DDX4: variants seen among roughly 807,000 people sequenced by gnomAD.
The protein encoded by DDX4 is probable ATP-dependent RNA helicase DDX4.
Under a neutral mutation model 100.0 loss-of-function variants are expected in DDX4, and 25 were observed. The observed-to-expected ratio is 0.25, with a 90% CI of 0.18 to 0.35. The LOEUF (loss-of-function observed/expected upper bound fraction) is 0.35, where lower values mean the gene tolerates loss of function less well. Ranked by LOEUF, DDX4 falls within the 10% of genes least tolerant of loss-of-function variation. DDX4 has a pLI of 1.00. For synonymous variants in DDX4, 259 were observed against 275.7 expected (o/e 0.94, Z 0.60); for missense variants, 635 against 882.4 (o/e 0.72, Z 3.55).
chr5:55,779,918 TTTG>T, intron 7 of DDX4, 43 bp from the exon 8 acceptor site: 2 of 1,583,248 alleles, frequency 1.3e-6, no homozygotes, highest in Non-Finnish European at 8.6e-7. Flanking sequence ...CCAAGATTTC[TTTG>T]TTGTTGTTTT....
chr5:55,791,041 T>G (rs1008776458), intron 16 of DDX4, among the ~76,000 whole-genome samples: 1 of 152,202 alleles, frequency 6.6e-6, no homozygotes, highest in Non-Finnish European at 1.5e-5. Context: ...AAAAATGTAG[T>G]TAATAACTTT....
intron 18 of DDX4, among the ~76,000 whole-genome samples, chr5:55,807,905 CAG>C (rs1254353707): frequency 6.6e-6 from 1 of 152,194 alleles, no homozygotes; most frequent in African/African-American, 2.4e-5. Flanking sequence ...TAATATCCTG[CAG>C]AGTGTTTTCC....
Position 55,738,928 on chromosome 5 carries a change from ATTTT to A in DDX4, c.-14-12_-14-9del. On this transcript the variant is annotated intron_variant, in intron 1 of 21. Coordinates refer to ENST00000505374, the MANE Select transcript of DDX4 (RefSeq NM_024415.3). ...CTGATCTAATTGAGTCCAAATGTGC[ATTTT>A]TTTTTTTTTATGAATAGAACTTGAA... The A allele has an allele frequency of 1.9e-6, 2 of 1,066,454 alleles. No individual in the cohort carries two copies. Among genetic ancestry groups the A allele is most frequent in the Non-Finnish European group, 2.8e-6 (2 of 726,238 alleles). The allele number at this position is 1,066,454 out of a possible 1,614,324, so 66.1% of individuals were successfully genotyped here.
Position 55,766,679 on chromosome 5 carries a change from AAT to A in DDX4, c.335-1201_335-1200del, listed in dbSNP as rs754627852. Among the ~76,000 whole-genome samples, 305 of 152,266 alleles carry A rather than the reference AAT, an allele frequency of 2.0e-3. 2 individuals are homozygous for A. The highest frequency in any genetic ancestry group is 1.5e-3 in the Non-Finnish European group (100 of 68,020). Reference sequence around the variant, plus strand: ...TATTGTAGAACATTATTAGTTGTTAAATGGATTGGGACTTTCACACAGGAACT... The same window carrying A: ...TATTGTAGAACATTATTAGTTGTTAAGGATTGGGACTTTCACACAGGAACT... On this transcript the variant is annotated intron_variant, in intron 6 of 21. Transcript: ENST00000505374.
At chr5:55,748,773 C>T (rs1340182341) in intron 3 of DDX4, among the ~76,000 whole-genome samples, 3 of 151,830 alleles carry the variant, frequency 2.0e-5, no homozygotes, top group Admixed American at 6.6e-5. Flanking sequence ...AAATCTTAGC[C>T]CCTAAATTTA....
At chr5:55,788,561 A>G (rs919674244) in intron 15 of DDX4, among the ~76,000 whole-genome samples, 3 of 152,236 alleles carry the variant, frequency 2.0e-5, no homozygotes, top group South Asian at 4.1e-4. Flanking sequence ...ATGTATATTT[A>G]AAAATGAACT....
chr5:55,754,824 G>A (rs1374299845), intron 3 of DDX4, among the ~76,000 whole-genome samples: 3 of 151,998 alleles, frequency 2.0e-5, no homozygotes, highest in Admixed American at 1.3e-4. Flanking sequence ...TGGTTGGTAA[G>A]CTATTGATTA....
chr5:55,758,021 G>C (rs1252409627), intron 3 of DDX4, among the ~76,000 whole-genome samples: 2 of 152,086 alleles, frequency 1.3e-5, no homozygotes, highest in Non-Finnish European at 2.9e-5. Context: ...CTCCAACCTG[G>C]GTGACAGAGC....
chr5:55,757,426 C>G (rs1760010080), intron 3 of DDX4, among the ~76,000 whole-genome samples: 1 of 152,180 alleles, frequency 6.6e-6, no homozygotes, highest in Non-Finnish European at 1.5e-5. Flanking sequence ...ATCCAGGTTG[C>G]TGCAAATGCC....
At chr5:55,805,181 G>A (rs1332699797) in intron 18 of DDX4, among the ~76,000 whole-genome samples, 1 of 151,896 alleles carries the variant, frequency 6.6e-6, no homozygotes, top group South Asian at 2.1e-4. Context: ...TTTGTATCCT[G>A]AGACTTTGCT....
chr5:55,798,049 G>A (rs947160025), intron 17 of DDX4, among the ~76,000 whole-genome samples: 1 of 152,076 alleles, frequency 6.6e-6, no homozygotes, highest in Non-Finnish European at 1.5e-5. Context: ...AACAGAATTT[G>A]TGTCTCAGGC....
intron 18 of DDX4, among the ~76,000 whole-genome samples, chr5:55,811,944 C>CG (rs1479896745): frequency 6.6e-6 from 1 of 151,880 alleles, no homozygotes; most frequent in African/African-American, 2.4e-5. Flanking sequence ...AAAACAAACC[C>CG]AAGTAGAGTA....
chr5:55,797,387 A>C (rs1055959022), intron 17 of DDX4, among the ~76,000 whole-genome samples: 1 of 152,202 alleles, frequency 6.6e-6, no homozygotes, highest in Non-Finnish European at 1.5e-5. Context: ...ACATGACACA[A>C]AACACTCAGT....
intron 10 of DDX4, 102 bp downstream of exon 10, chr5:55,782,083 A>T (rs1307894563): frequency 7.4e-7 from 1 of 1,353,742 alleles, no homozygotes; most frequent in African/African-American, 1.5e-5. Context: ...TAATTTTTGA[A>T]GTTAAAGGTA....
chr5:55,785,671 T>C, intron 12 of DDX4, 58 bp from the exon 13 acceptor site: 2 of 1,483,254 alleles, frequency 1.3e-6, no homozygotes, highest in Non-Finnish European at 1.8e-6. Flanking sequence ...GTCTATTTTC[T>C]CTTATATTTT....
chr5:55,812,918 GAATA>G (rs1373788509), intron 18 of DDX4, among the ~76,000 whole-genome samples: 3 of 151,530 alleles, frequency 2.0e-5, no homozygotes, highest in African/African-American at 7.3e-5. Flanking sequence ...AATGTTTGCT[GAATA>G]AATGAATGAA....
At chr5:55,743,362 C>T (rs893225596) in intron 2 of DDX4, among the ~76,000 whole-genome samples, 35 of 152,108 alleles carry the variant, frequency 2.3e-4, no homozygotes, top group Non-Finnish European at 4.4e-4. Context: ...GGACTCATGC[C>T]GATAATCCAG....
intron 18 of DDX4, among the ~76,000 whole-genome samples, chr5:55,805,422 C>G (rs1241888854): frequency 6.6e-6 from 1 of 150,572 alleles, no homozygotes; most frequent in Non-Finnish European, 1.5e-5. Flanking sequence ...GGGAATGCTT[C>G]CAGTTTTTGC....
intron 18 of DDX4, among the ~76,000 whole-genome samples, chr5:55,811,317 A>G (rs1162866616): frequency 6.6e-6 from 1 of 152,126 alleles, no homozygotes; most frequent in East Asian, 1.9e-4. Flanking sequence ...AGTTTTCTGG[A>G]ACAAACTGAC....
Sources: allele counts gnomAD v4.1 joint callset (sites outside exome capture counted in the v4.1 genomes callset), GRCh38; gene constraint gnomAD v4.1.1; transcripts MANE v1.5; gene names NCBI Gene and HGNC (gene_info 2026-07-23, HGNC 2026-07-21).